Variants in TRPC3 observed in about 807,000 individuals in gnomAD.
TRPC3 encodes short transient receptor potential channel 3.
In TRPC3, 54 loss-of-function variants were observed where a neutral mutation model predicts 90.9. That is an observed-to-expected ratio of 0.59 (90% CI 0.48 to 0.75). TRPC3 has a LOEUF of 0.75. Among genes scored for constraint, TRPC3 ranks in the 30% least tolerant of loss-of-function variants. The pLI is 0.00. For missense variants in TRPC3, 918 were observed against 1,194.5 expected, an observed-to-expected ratio of 0.77 and a Z score of 3.41; for synonymous variants, 424 against 450.9, an observed-to-expected ratio of 0.94 and a Z score of 0.75.
chr4:121,893,073 A>T (rs1483980536), intron 10 of TRPC3, among the ~76,000 whole-genome samples: 2 of 146,494 alleles, frequency 1.4e-5, no homozygotes, highest in African/African-American at 5.0e-5. Context: ...GTGAGCCGAG[A>T]TTGCACCACT....
rs752150959 is a variant in TRPC3, at chr4:121,902,985, G to A, written c.2330C>T (p.Pro777Leu). Residue 777 changes from proline (P) to leucine (L), a missense_variant, in exon 9 of 12, where the codon CCT becomes CTT. By Grantham distance (98) the Pro-to-Leu change is moderately conservative. This residue lies in a region of TRPC3 where 121 missense variants were observed against 135.7 expected (regional missense o/e 0.89). Coordinates refer to ENST00000379645, the MANE Select transcript of TRPC3 (RefSeq NM_001130698.2). ...ACTAGGAACTAGACTGAAAGGTGGA[G>A]GTAATGTTTTTCCATCATCAAAATA... ...LSYFDDGKTLPPPFSLVPSPK... is the reference protein window; with the variant it reads ...LSYFDDGKTLLPPFSLVPSPK... The A allele has an allele frequency of 1.2e-6, 2 of 1,613,362 alleles. No individual in the cohort carries two copies. The highest frequency in any genetic ancestry group is 1.3e-5 in the African/African-American group (1 of 74,864).
chr4:121,922,298 C>T (rs1729550107), intron 3 of TRPC3, among the ~76,000 whole-genome samples: 1 of 152,108 alleles, frequency 6.6e-6, no homozygotes. Flanking sequence ...AATTCTTACA[C>T]ACATTTATTA....
At chr4:121,949,403 C>T (rs1293083655) in intron 1 of TRPC3, among the ~76,000 whole-genome samples, 1 of 152,102 alleles carries the variant, frequency 6.6e-6, no homozygotes, top group Non-Finnish European at 1.5e-5. Flanking sequence ...GGGATTGTAC[C>T]CTCAGCATCC....
intron 10 of TRPC3, among the ~76,000 whole-genome samples, chr4:121,894,649 A>C (rs1413432361): frequency 7.4e-6 from 1 of 134,662 alleles, no homozygotes; most frequent in African/African-American, 2.8e-5. Flanking sequence ...CTGCAGTCTC[A>C]ACTTCTTGGG....
intron 3 of TRPC3, among the ~76,000 whole-genome samples, chr4:121,916,152 G>C: frequency 6.6e-6 from 1 of 152,150 alleles, no homozygotes; most frequent in South Asian, 2.1e-4. Flanking sequence ...AATTCCTAGA[G>C]TTATTAATAT....
intron 10 of TRPC3, among the ~76,000 whole-genome samples, chr4:121,890,707 T>C (rs549226836): frequency 2.6e-5 from 4 of 152,232 alleles, no homozygotes; most frequent in South Asian, 4.2e-4. Context: ...AAGGCCATAG[T>C]GTGGCCAGGT....
Position 121,951,405 on chromosome 4 carries a change from T to C in TRPC3, c.215+61A>G, listed in dbSNP as rs1730742709. The C allele has an allele frequency of 9.0e-7, 1 of 1,107,710 alleles. No homozygotes were observed. The highest frequency in any genetic ancestry group is 1.7e-5 in the African/African-American group (1 of 59,848). The allele number at this position is 1,107,710 out of a possible 1,614,324, so 68.6% of individuals were successfully genotyped here. A position where few individuals can be genotyped will look rare whatever the true frequency, so the allele number is the denominator to read the frequency against. Reference sequence around the variant, plus strand: ...ACGTGGAGCCGCCCGGCGCGCGCCTTCCCGCCCCCCGCCCGGCACCGCCCT... The same window carrying C: ...ACGTGGAGCCGCCCGGCGCGCGCCTCCCCGCCCCCCGCCCGGCACCGCCCT... On this transcript the variant is annotated intron_variant, in intron 1 of 11. Transcript: ENST00000379645. This position sits in a 1 kb window ranked among gnomAD's most constrained non-coding sequence, Gnocchi z 4.4.
At chr4:121,883,482 C>A (rs924471079) in intron 10 of TRPC3, among the ~76,000 whole-genome samples, 1 of 151,934 alleles carries the variant, frequency 6.6e-6, no homozygotes, top group Non-Finnish European at 1.5e-5. Flanking sequence ...AAAAGACAAA[C>A]AAATGTTTCA....
Position 121,951,592 on chromosome 4 carries a change from C to T in TRPC3, c.89G>A (p.Gly30Asp). The change falls in exon 1 of 12, where the codon GGC (glycine) becomes GAC (aspartate). Residue 30 changes from glycine to aspartate, a missense_variant. By Grantham distance (94) the Gly-to-Asp change is moderately conservative. Around this residue, in one of 4 missense-constraint regions of TRPC3, gnomAD observed 609 missense variants for 725.9 expected, o/e 0.84. Transcript: ENST00000379645. This position sits in a 1 kb window ranked among gnomAD's most constrained non-coding sequence, Gnocchi z 4.4. ...CCGGCGGCGGCGCTGCGGCTCCGCG[C>T]CCTCGTCCTCGCCCTCGTCTTCCTC... is the stretch of plus-strand genomic sequence containing the variant. ...EEEEDEGEDE[G>D]AEPQRRRRGW... is the part of the protein sequence containing the mutation. The T allele has an allele frequency of 6.9e-7, 1 of 1,451,676 alleles. No homozygotes were observed. The highest frequency in any genetic ancestry group is 9.1e-7 in the Non-Finnish European group (1 of 1,097,248). 89.9% of individuals were successfully genotyped at this position (1,451,676 alleles called of 1,614,324 possible).
intron 1 of TRPC3, among the ~76,000 whole-genome samples, chr4:121,947,939 A>G (rs914069385): frequency 9.9e-5 from 15 of 152,124 alleles, no homozygotes; most frequent in Non-Finnish European, 2.1e-4. Context: ...CAGTTTTTGA[A>G]GAGTGTGCAT....
At chr4:121,946,902 G>A (rs184413376) in intron 1 of TRPC3, among the ~76,000 whole-genome samples, 1 of 152,142 alleles carries the variant, frequency 6.6e-6, no homozygotes, top group East Asian at 1.9e-4. Flanking sequence ...CCTCAAGGCT[G>A]GGTGGTGCAG....
intron 1 of TRPC3, chr4:121,950,703 A>G (rs1026082605): frequency 6.6e-6 from 1 of 152,286 alleles, no homozygotes; most frequent in East Asian, 1.9e-4. Flanking sequence ...AGAGAAAAAG[A>G]GAGCCCGCGC....
Position 121,932,922 on chromosome 4 carries a change from C to T in TRPC3, c.336G>A (p.Glu112=). Residue 112 remains glutamate (E), a synonymous_variant, in exon 2 of 12, where the codon GAG becomes GAA. Transcript: ENST00000379645. This position sits in a 1 kb window ranked among gnomAD's most constrained non-coding sequence, Gnocchi z 7.7. ...FNDRGTSLTA[E]EERFLDAAEY... Reference sequence around the variant, plus strand: ...CGGCGGCGTCGAGGAAGCGCTCCTCCTCGGCGGTGAGGCTGGTGCCGCGGT... The same window carrying T: ...CGGCGGCGTCGAGGAAGCGCTCCTCTTCGGCGGTGAGGCTGGTGCCGCGGT... 6.2e-7 allele frequency: 1 copy of T among 1,614,064 alleles called. No individual in the cohort carries two copies. The highest frequency in any genetic ancestry group is 8.5e-7 in the Non-Finnish European group (1 of 1,179,996).
intron 1 of TRPC3, 58 bp from the exon 2 acceptor site, chr4:121,933,100 A>G: frequency 6.6e-7 from 1 of 1,504,836 alleles, no homozygotes; most frequent in Non-Finnish European, 8.9e-7. Context: ...CCTTCCTTTC[A>G]CATGTCAGGG....
chr4:121,947,012 A>G (rs6831513), intron 1 of TRPC3, among the ~76,000 whole-genome samples: 111,950 of 151,438 alleles, frequency 0.74, 41,533 homozygotes, highest in East Asian at 0.82. Context: ...GTGAGACCTC[A>G]TCGATACAAA....
At chr4:121,902,054 T>C (rs1432119702) in intron 9 of TRPC3, among the ~76,000 whole-genome samples, 1 of 152,216 alleles carries the variant, frequency 6.6e-6, no homozygotes, top group Non-Finnish European at 1.5e-5. Context: ...AGAAAAAATA[T>C]CTACCTTCAC....
chr4:121,926,024 T>C (rs571713966), intron 2 of TRPC3, among the ~76,000 whole-genome samples: 2 of 152,324 alleles, frequency 1.3e-5, no homozygotes, highest in Admixed American at 6.5e-5. Flanking sequence ...ATATGTGATA[T>C]GAAAGTTGTC....
In TRPC3 at chr4:121,904,410, A is replaced by G; in HGVS notation, c.2165T>C (p.Val722Ala). 2 of 1,607,970 alleles carry G rather than the reference A, an allele frequency of 1.2e-6. No individual in the cohort carries two copies. Among genetic ancestry groups the G allele is most frequent in the Non-Finnish European group, 1.7e-6 (2 of 1,178,312 alleles). ...AGTTACATTGTATATTCCATAAAGAACGTATCCAATATTTTCTATGAATTT... is the reference window on the plus strand; with the variant it reads ...AGTTACATTGTATATTCCATAAAGAGCGTATCCAATATTTTCTATGAATTT... Reference protein sequence around the residue: ...DHKFIENIGYVLYGIYNVTMV... With the variant: ...DHKFIENIGYALYGIYNVTMV... Residue 722 changes from valine (V) to alanine (A), a missense_variant, in exon 8 of 12, where the codon GTT (valine) becomes GCT (alanine). Val to Ala is a moderately conservative substitution (Grantham distance 64). Coordinates refer to ENST00000379645, the MANE Select transcript of TRPC3 (RefSeq NM_001130698.2).
chr4:121,932,701 C>G lies in TRPC3; in HGVS notation c.557G>C (p.Gly186Ala), dbSNP rs772478792. The G allele has an allele frequency of 6.2e-7, 1 of 1,613,806 alleles. No homozygotes were observed. Among genetic ancestry groups the G allele is most frequent in the Non-Finnish European group, 8.5e-7 (1 of 1,179,846 alleles). Residue 186 changes from glycine (G) to alanine (A), a missense_variant, in exon 2 of 12, where the codon GGC (glycine) becomes GCC (alanine). Gly to Ala is a moderately conservative substitution (Grantham distance 60). Around this residue, in one of 4 missense-constraint regions of TRPC3, gnomAD observed 609 missense variants for 725.9 expected, o/e 0.84. Coordinates refer to ENST00000379645, the MANE Select transcript of TRPC3 (RefSeq NM_001130698.2). This position sits in a 1 kb window ranked among gnomAD's most constrained non-coding sequence, Gnocchi z 7.7. ...GDALLLAISK[G>A]YVRIVEAILN... Reference sequence around the variant, plus strand: ...GATGGCCTCTACGATGCGCACGTAGCCCTTGCTGATGGCGAGCAGCAGGGC... The same window carrying G: ...GATGGCCTCTACGATGCGCACGTAGGCCTTGCTGATGGCGAGCAGCAGGGC...
Sources: allele counts gnomAD v4.1 joint callset (sites outside exome capture counted in the v4.1 genomes callset), GRCh38; gene constraint gnomAD v4.1.1; regional missense constraint gnomAD v4.1.1; non-coding constraint Gnocchi (gnomAD v3.1); transcripts MANE v1.5; gene names NCBI Gene and HGNC (gene_info 2026-07-23, HGNC 2026-07-21).